Variants in BABAM2 observed in about 807,000 individuals in gnomAD.
BABAM2 encodes BRISC and BRCA1-A complex member 2.
BABAM2 carries 31 observed loss-of-function variants against 54.7 expected under a neutral mutation model. That is an observed-to-expected ratio of 0.57 (90% CI 0.43 to 0.77). The LOEUF (loss-of-function observed/expected upper bound fraction) is 0.77. BABAM2 is among the 30% of genes least tolerant of loss of function. BABAM2 has a pLI of 0.00. For missense variants in BABAM2, 364 were observed against 455.8 expected (o/e 0.80, Z 1.83); for synonymous variants, 167 against 162.9 (o/e 1.03, Z -0.19).
intron 2 of BABAM2, among the ~76,000 whole-genome samples, chr2:27,917,014 C>CTTTTTTTTTTTTTT (rs753765833): frequency 1.1e-5 from 1 of 90,108 alleles, no homozygotes; most frequent in Non-Finnish European, 2.3e-5. Context: ...TCACTCCAAA[C>CTTTTTTTTTTTTTT]TTTTTTTTTT....
intron 11 of BABAM2, chr2:28,308,565 G>A: frequency 2.1e-6 from 1 of 469,576 alleles, no homozygotes; most frequent in Non-Finnish European, 4.1e-6. Flanking sequence ...AGAGAAGAAG[G>A]CATATTGGGA....
chr2:28,173,355 G>A (rs867970761), intron 7 of BABAM2, among the ~76,000 whole-genome samples: 4 of 152,194 alleles, frequency 2.6e-5, no homozygotes, highest in African/African-American at 9.7e-5. Context: ...AATTTACCAT[G>A]TAGTCCAAGC....
At chr2:28,268,880 A>G (rs1162100253) in intron 10 of BABAM2, among the ~76,000 whole-genome samples, 2 of 152,362 alleles carry the variant, frequency 1.3e-5, no homozygotes, top group East Asian at 1.9e-4. Context: ...CACTGTAGAG[A>G]TTATTTGTCT....
In BABAM2 at chr2:28,329,866, A is replaced by G. The variant is rs1168246954; in HGVS notation, c.1089-8584A>G. Among the ~76,000 whole-genome samples the G allele has an allele frequency of 6.6e-6, 1 of 152,218 alleles. No individual in the cohort carries two copies. The highest frequency in any genetic ancestry group is 2.4e-5 in the African/African-American group (1 of 41,450). ...CATTATCCTGATACCAAAACCTGGC[A>G]GAGATACAACAAAAAAAGAAAATGT... On this transcript the variant is annotated intron_variant, in intron 11 of 11. Coordinates refer to ENST00000379624, the MANE Select transcript of BABAM2 (RefSeq NM_199191.3). This position sits in a 1 kb window ranked among gnomAD's most constrained non-coding sequence, Gnocchi z 4.2.
intron 4 of BABAM2, among the ~76,000 whole-genome samples, chr2:28,014,638 T>C (rs1674666220): frequency 6.6e-6 from 1 of 151,220 alleles, no homozygotes; most frequent in African/African-American, 2.4e-5. Context: ...AACTTGTTTA[T>C]GGTTAAGTCT....
intron 6 of BABAM2, among the ~76,000 whole-genome samples, chr2:28,050,751 A>T (rs1269065079): frequency 2.0e-5 from 3 of 151,774 alleles, no homozygotes; most frequent in African/African-American, 4.9e-5. Context: ...TGGAATGATT[A>T]GGTCATAAAA....
chr2:28,087,454 C>A (rs1265439274), intron 6 of BABAM2, among the ~76,000 whole-genome samples: 1 of 152,048 alleles, frequency 6.6e-6, no homozygotes, highest in African/African-American at 2.4e-5. Flanking sequence ...GCCACTAGAT[C>A]CTTGTAGGAA....
intron 7 of BABAM2, among the ~76,000 whole-genome samples, chr2:28,159,765 A>G (rs1236922749): frequency 6.6e-6 from 1 of 152,082 alleles, no homozygotes; most frequent in African/African-American, 2.4e-5. Context: ...CTGTAATCCC[A>G]GCGACTCAGG....
At chr2:28,209,628 A>G (rs1284147569) in intron 7 of BABAM2, among the ~76,000 whole-genome samples, 1 of 152,176 alleles carries the variant, frequency 6.6e-6, no homozygotes, top group Non-Finnish European at 1.5e-5. Flanking sequence ...CATCCATTCA[A>G]CATGCATTCA....
intron 4 of BABAM2, among the ~76,000 whole-genome samples, chr2:28,005,819 C>T (rs1467861536): frequency 6.6e-6 from 1 of 152,116 alleles, no homozygotes; most frequent in African/African-American, 2.4e-5. Flanking sequence ...CTTGTTTCAT[C>T]TATACTCCTA....
intron 7 of BABAM2, among the ~76,000 whole-genome samples, chr2:28,154,711 C>T (rs959461570): frequency 6.6e-6 from 1 of 151,942 alleles, no homozygotes; most frequent in African/African-American, 2.4e-5. Flanking sequence ...CTAGAAGAGT[C>T]GTTAAAAATC....
intron 6 of BABAM2, among the ~76,000 whole-genome samples, chr2:28,112,197 C>CCCTTCCTTCCTT (rs1215942914): frequency 1.1e-3 from 28 of 25,492 alleles, no homozygotes; most frequent in African/African-American, 4.0e-3. Flanking sequence ...CTCCCTCCCT[C>CCCTTCCTTCCTT]CCTTCCTTCC....
At chr2:28,013,643 CTGAT>C (rs1244188848) in intron 4 of BABAM2, among the ~76,000 whole-genome samples, 2 of 120,546 alleles carry the variant, frequency 1.7e-5, no homozygotes, top group African/African-American at 3.2e-5. Context: ...AGGGAATGGT[CTGAT>C]TGATTTTGTC....
intron 10 of BABAM2, among the ~76,000 whole-genome samples, chr2:28,250,595 G>GT (rs1553350055): frequency 5.7e-5 from 8 of 139,198 alleles, no homozygotes; most frequent in Non-Finnish European, 7.7e-5. Context: ...TTTTTTTTTT[G>GT]TTTGTTTGTT....
chr2:27,944,575 G>C (rs748520119), intron 3 of BABAM2, among the ~76,000 whole-genome samples: 9 of 152,168 alleles, frequency 5.9e-5, no homozygotes, highest in African/African-American at 2.2e-4. Flanking sequence ...TTTTATTGCT[G>C]TATAGCACTA....
At chr2:27,947,168 C>T (rs1669358641) in intron 3 of BABAM2, among the ~76,000 whole-genome samples, 2 of 152,008 alleles carry the variant, frequency 1.3e-5, no homozygotes, top group African/African-American at 4.8e-5. Context: ...ACCTGATTGC[C>T]ACTATGGCTG....
intron 10 of BABAM2, among the ~76,000 whole-genome samples, chr2:28,256,289 A>G (rs768317997): frequency 6.6e-6 from 1 of 152,198 alleles, no homozygotes; most frequent in Non-Finnish European, 1.5e-5. Flanking sequence ...TATGGGCAAC[A>G]CTTACAATTT....
intron 6 of BABAM2, among the ~76,000 whole-genome samples, chr2:28,072,599 A>G (rs1664262819): frequency 6.6e-6 from 1 of 152,038 alleles, no homozygotes; most frequent in Non-Finnish European, 1.5e-5. Flanking sequence ...GTTAGCCAGG[A>G]TGGTCTCGAT....
At chr2:27,984,338 G>A (rs955004913) in intron 3 of BABAM2, among the ~76,000 whole-genome samples, 6 of 152,026 alleles carry the variant, frequency 3.9e-5, no homozygotes, top group Non-Finnish European at 7.4e-5. Context: ...GAATATGCTT[G>A]CTGTGTATAT....
Sources: gnomAD v4.1 joint callset for allele counts (sites outside exome capture counted in the v4.1 genomes callset) on GRCh38, gnomAD v4.1.1 for gene constraint, Gnocchi (gnomAD v3.1) non-coding constraint, MANE v1.5 for transcripts, NCBI Gene and HGNC (gene_info 2026-07-23, HGNC 2026-07-21) for gene names.